The following DEPDC1 variants were observed in gnomAD, a reference collection of about 807,000 sequenced individuals.
DEPDC1 encodes DEP domain-containing protein 1A.
A neutral mutation model predicts 86.8 loss-of-function variants in DEPDC1; 66 were observed. That is an observed-to-expected ratio of 0.76 (90% confidence interval 0.62 to 0.93). DEPDC1 has a LOEUF of 0.93. Among genes scored for constraint, DEPDC1 ranks in the 40% least tolerant of loss-of-function variants. The pLI is 0.00. For synonymous variants in DEPDC1, 255 were observed against 314.9 expected, an observed-to-expected ratio of 0.81 and a Z score of 2.02; for missense variants, 792 against 935.7, an observed-to-expected ratio of 0.85 and a Z score of 2.00.
intron 5 of DEPDC1, 124 bp downstream of exon 5, chr1:68,488,250 T>C (rs1646205645): frequency 4.9e-6 from 4 of 813,382 alleles, no homozygotes; most frequent in East Asian, 3.2e-5. Flanking sequence ...AAAGAACTTA[T>C]GATAGCCCCT....
intron 5 of DEPDC1, 134 bp downstream of exon 5, chr1:68,488,240 A>C: frequency 7.0e-6 from 5 of 717,694 alleles, no homozygotes; most frequent in Non-Finnish European, 1.0e-5. Context: ...TGTTATTACT[A>C]AAGAACTTAT....
In DEPDC1 at chr1:68,494,565, T is replaced by C. The variant is rs1328905647; in HGVS notation, c.179A>G (p.Asn60Ser). ...TGTAACTTCAGGACCAAAATTGCTA[T>C]TATTTCTTAATAGGTCATAAAGCCA... ...VDWLYDLLRN[N>S]SNFGPEVTRQ... The change falls in exon 2 of 12, where the codon AAT becomes AGT. Residue 60 changes from asparagine (N) to serine (S), a missense_variant. Asn to Ser is a conservative substitution (Grantham distance 46, BLOSUM62 1). Transcript: ENST00000456315. The C allele has an allele frequency of 3.7e-6, 6 of 1,613,828 alleles. No individual in the cohort carries two copies. Among genetic ancestry groups the C allele is most frequent in the Non-Finnish European group, 4.2e-6 (5 of 1,179,788 alleles).
chr1:68,495,517 T>C (rs746344315), intron 1 of DEPDC1, among the ~76,000 whole-genome samples: 6 of 152,326 alleles, frequency 3.9e-5, no homozygotes, highest in Non-Finnish European at 7.4e-5. Flanking sequence ...AACCTAGGCA[T>C]TCAAACCCAG....
intron 9 of DEPDC1, among the ~76,000 whole-genome samples, chr1:68,479,652 A>G (rs1230977890): frequency 6.6e-6 from 1 of 151,854 alleles, no homozygotes; most frequent in African/African-American, 2.4e-5. Context: ...AGAAATAAAA[A>G]ACTAGCCAGG....
chr1:68,479,416 GA>G, intron 9 of DEPDC1, 96 bp from the exon 10 acceptor site: 8 of 923,930 alleles, frequency 8.7e-6, no homozygotes, highest in Admixed American at 6.4e-5. Context: ...GAAGTATTGG[GA>G]AAAAGTGGTA....
In DEPDC1 at chr1:68,477,026, G is replaced by A; in HGVS notation, c.2342C>T (p.Thr781Ile). Residue 781 changes from threonine to isoleucine, a missense_variant, in exon 12 of 12, where the codon ACC (threonine) becomes ATC (isoleucine). Transcript: ENST00000456315. ...AAAAAGTGCTGCTTCACTCTCCGTG[G>A]TTGGAAATCTTTTCTGATATATCAA... is the stretch of plus-strand genomic sequence containing the variant. The part of the protein sequence containing the change: ...YPLIYQKRFP[T>I]TESEAALFGD... 1 of 1,607,058 alleles carries A rather than the reference G, an allele frequency of 6.2e-7. No homozygotes were observed. Among genetic ancestry groups the A allele is most frequent in the South Asian group, 1.1e-5 (1 of 90,026 alleles).
rs1352248457 is a variant in DEPDC1 at position 68,481,494 on chromosome 1, C to T, written c.1881G>A (p.Met627Ile). Residue 627 changes from methionine to isoleucine, a missense_variant, in exon 9 of 12, where the codon ATG (methionine) becomes ATA (isoleucine). Coordinates refer to ENST00000456315, the MANE Select transcript of DEPDC1 (RefSeq NM_001114120.3). ...GTTTGGGCATATCAACATTTTGACT[C>T]ATTCGGGAAATCATACGCATTAAAA... ...LQLLMRMISR[M>I]SQNVDMPKLH... 3.1e-6 allele frequency: 5 copies of T among 1,612,438 alleles called. No homozygotes were observed. In the East Asian group the frequency reaches 1.1e-4, roughly 36 times the overall value.
At position 68,474,441 on chromosome 1, in the gene DEPDC1, A is replaced by G. The variant is rs1388861037; in HGVS notation, c.*2491T>C. On this transcript the variant is annotated 3_prime_UTR_variant, in exon 12 of 12. Transcript: ENST00000456315. ...TTGGATAACATAAGAAGAGTGGGTC[A>G]TTATATGATACCAATTAGAAGATAT... The G allele has an allele frequency of 1.3e-5, 2 of 152,192 alleles. No individual in the cohort carries two copies. The highest frequency in any genetic ancestry group is 2.1e-4 in the South Asian group (1 of 4,820). The allele number at this position is 152,192 out of a possible 1,614,324, so 9.4% of individuals were successfully genotyped here.
chr1:68,483,856 C>T, intron 7 of DEPDC1, 94 bp downstream of exon 7: 2 of 834,638 alleles, frequency 2.4e-6, no homozygotes, highest in Non-Finnish European at 3.5e-6. Flanking sequence ...TAGGCTGCCA[C>T]CTTTATATTT....
chr1:68,486,206 A>C (rs1646191673), intron 6 of DEPDC1, among the ~76,000 whole-genome samples: 2 of 151,988 alleles, frequency 1.3e-5, no homozygotes. Flanking sequence ...AGGTGATTGA[A>C]TCATGGGGGT....
At position 68,489,451 on chromosome 1, in the gene DEPDC1, C is replaced by A; in HGVS notation, c.471+1G>T. 6.8e-7 allele frequency: 1 copy of A among 1,481,418 alleles called. No homozygotes were observed. Among genetic ancestry groups the A allele is most frequent in the East Asian group, 2.6e-5 (1 of 38,722 alleles). The allele number at this position is 1,481,418 out of a possible 1,614,324, so 91.8% of individuals were successfully genotyped here. A position where few individuals can be genotyped will look rare whatever the true frequency, so the allele number is the denominator to read the frequency against. Reference sequence around the variant, plus strand: ...TAGTAATTAGTAAAAGGATGTGTTACCTGAGATAAATGTAATCCATGCCTT... The same window carrying A: ...TAGTAATTAGTAAAAGGATGTGTTAACTGAGATAAATGTAATCCATGCCTT... On this transcript the variant is annotated splice_donor_variant, in intron 3 of 11. Transcript: ENST00000456315. LOFTEE classifies it high-confidence loss of function.
In DEPDC1 at chr1:68,482,823, T is replaced by C. The variant is rs898719565; in HGVS notation, c.985A>G (p.Lys329Glu). 3 of 1,611,844 alleles carry C rather than the reference T, an allele frequency of 1.9e-6. No homozygotes were observed. The highest frequency in any genetic ancestry group is 2.7e-5 in the African/African-American group (2 of 74,892). The change falls in exon 8 of 12, where the codon AAA becomes GAA. Residue 329 changes from lysine (K) to glutamate (E), a missense_variant. By Grantham distance (56) the Lys-to-Glu change is moderately conservative. Transcript: ENST00000456315. ...TTCAAATTGTTTAAGTGAAGGAATT[T>C]TGAAGACTGTGGATCATCTTGAATT... The part of the protein sequence containing the change: ...HKIQDDPQSS[K>E]FLHLNNLNSF...
At position 68,482,207 on chromosome 1, in the gene DEPDC1, A is replaced by G. The variant is rs549058441; in HGVS notation, c.1601T>C (p.Met534Thr). Residue 534 changes from methionine (M) to threonine (T), a missense_variant, in exon 8 of 12, where the codon ATG becomes ACG. Physicochemically the swap from Met to Thr is moderately conservative, Grantham distance 81 (BLOSUM62 -1). Transcript: ENST00000456315. Reference sequence around the variant, plus strand: ...GCTGCCTTGTCCAACATTTGGTTTCATGATAATTTCAGCCACTGGTGTATT... The same window carrying G: ...GCTGCCTTGTCCAACATTTGGTTTCGTGATAATTTCAGCCACTGGTGTATT... ...YINTPVAEII[M>T]KPNVGQGSTS... 4.3e-5 allele frequency: 70 copies of G among 1,612,956 alleles called. No individual in the cohort carries two copies. The highest frequency in any genetic ancestry group is 1.3e-4 in the African/African-American group (10 of 74,976).
intron 7 of DEPDC1, chr1:68,483,653 T>C (rs1235508580): frequency 1.2e-5 from 3 of 247,964 alleles, no homozygotes; most frequent in Non-Finnish European, 2.3e-5. Context: ...ACTCTTCCAT[T>C]TGGCTATTCT....
At chr1:68,493,758 C>T (rs914063664) in intron 2 of DEPDC1, among the ~76,000 whole-genome samples, 4 of 152,164 alleles carry the variant, frequency 2.6e-5, no homozygotes, top group African/African-American at 7.2e-5. Flanking sequence ...CTCTGTCGCC[C>T]AAGCTGGAGT....
chr1:68,477,770 C>A lies in DEPDC1; in HGVS notation c.2298+17G>T. ...TAGAAAATGTTTACATGATTGAGAACTTGCTCATTCTCTTACCTGTTTTAG... is the reference window on the plus strand; with the variant it reads ...TAGAAAATGTTTACATGATTGAGAAATTGCTCATTCTCTTACCTGTTTTAG... On this transcript the variant is annotated intron_variant, in intron 11 of 11. Coordinates refer to ENST00000456315, the MANE Select transcript of DEPDC1 (RefSeq NM_001114120.3). 1.4e-6 allele frequency: 2 copies of A among 1,427,558 alleles called. No individual in the cohort carries two copies. Among genetic ancestry groups the A allele is most frequent in the Non-Finnish European group, 1.9e-6 (2 of 1,066,084 alleles). 88.4% of individuals were successfully genotyped at this position (1,427,558 alleles called of 1,614,324 possible).
At chr1:68,483,476 T>C (rs964925337) in intron 7 of DEPDC1, 83 of 372,796 alleles carry the variant, frequency 2.2e-4, no homozygotes, top group Admixed American at 1.3e-3. Flanking sequence ...TGACCAATGA[T>C]TTGGTCAGTC....
Position 68,497,049 on chromosome 1 carries a change from G to A in DEPDC1, c.-50C>T, listed in dbSNP as rs541482969. The stretch of plus-strand genomic sequence containing the variant: ...CCATGGCGGCGAAGGCGACACTCAG[G>A]CCCAGCGGCCGCGGCAGTGGCGAGT... On this transcript the variant is annotated 5_prime_UTR_variant, in exon 1 of 12. Transcript: ENST00000456315. The A allele has an allele frequency of 5.5e-5, 88 of 1,598,958 alleles. 1 individual carries two copies. The South Asian group carries it at 9.2e-4, about 17-fold the overall frequency.
rs753955255 is a variant in DEPDC1, at chr1:68,477,002, A to G, written c.2366T>C (p.Phe789Ser). 1 of 1,607,954 alleles carries G rather than the reference A, an allele frequency of 6.2e-7. No individual in the cohort carries two copies. The highest frequency in any genetic ancestry group is 2.2e-5 in the East Asian group (1 of 44,702). ...FPTTESEAAL[F>S]GDKPTIKQPM... ...TTGCTTGATTGTAGGTTTGTCACCA[A>G]AAAGTGCTGCTTCACTCTCCGTGGT... The change falls in exon 12 of 12, where the codon TTT becomes TCT. Residue 789 changes from phenylalanine (F) to serine (S), a missense_variant. Transcript: ENST00000456315.
Sources: gnomAD v4.1 joint callset for allele counts (sites outside exome capture counted in the v4.1 genomes callset) on GRCh38, gnomAD v4.1.1 for gene constraint, MANE v1.5 for transcripts, NCBI Gene and HGNC (gene_info 2026-07-23, HGNC 2026-07-21) for gene names.